The following SNAPC1 variants were observed in gnomAD, a reference collection of about 807,000 sequenced individuals.
The protein encoded by SNAPC1 is small nuclear RNA activating complex polypeptide 1.
In SNAPC1, 42 loss-of-function variants were observed where a neutral mutation model predicts 50.1. That is an observed-to-expected ratio of 0.84 (90% CI 0.65 to 1.08). The LOEUF (loss-of-function observed/expected upper bound fraction) is 1.08, where lower values mean the gene tolerates loss of function less well. SNAPC1 is among the 50% of genes least tolerant of loss of function. The pLI, the probability that SNAPC1 is intolerant of heterozygous loss-of-function variation, is 0.00. For missense variants in SNAPC1, 477 were observed against 427.3 expected, an observed-to-expected ratio of 1.12 and a Z score of -1.02; for synonymous variants, 164 against 144.2, an observed-to-expected ratio of 1.14 and a Z score of -0.98.
At chr14:61,766,293 G>T (rs879826795) in intron 1 of SNAPC1, among the ~76,000 whole-genome samples, 1 of 152,160 alleles carries the variant, frequency 6.6e-6, no homozygotes, top group Non-Finnish European at 1.5e-5. Flanking sequence ...GTTACTTCAA[G>T]TTCTAAGTTG....
intron 4 of SNAPC1, 50 bp downstream of exon 4, chr14:61,768,790 C>T (rs774808807): frequency 2.5e-5 from 24 of 942,428 alleles, no homozygotes; most frequent in Non-Finnish European, 3.8e-5. Flanking sequence ...GTTTTATTGC[C>T]AACTACATAT....
intron 4 of SNAPC1, among the ~76,000 whole-genome samples, chr14:61,770,251 T>C (rs1214814244): frequency 2.0e-4 from 30 of 151,216 alleles, no homozygotes; most frequent in Non-Finnish European, 3.2e-4. Flanking sequence ...TTTTTTTTTT[T>C]CTTGTCCCTG....
At chr14:61,765,972 A>G (rs566870537) in intron 1 of SNAPC1, among the ~76,000 whole-genome samples, 7 of 152,322 alleles carry the variant, frequency 4.6e-5, no homozygotes, top group Admixed American at 3.3e-4. Context: ...CAAATCCCTG[A>G]GAGTATTGGA....
chr14:61,766,955 T>A lies in SNAPC1; in HGVS notation c.208T>A (p.Tyr70Asn), dbSNP rs1328474842. The A allele has an allele frequency of 6.2e-7, 1 of 1,610,224 alleles. No homozygotes were observed. Among genetic ancestry groups the A allele is most frequent in the South Asian group, 1.1e-5 (1 of 90,960 alleles). The stretch of plus-strand genomic sequence containing the variant: ...GGCTTGGCGATATTTTTTACCTCCA[T>A]ACACCTTCCAGATCAGAGTTGGTGC... ...ALAWRYFLPP[Y>N]TFQIRVGALY... The change falls in exon 2 of 10, where the codon TAC becomes AAC. Residue 70 changes from tyrosine to asparagine, a missense_variant. Tyr to Asn is a moderately radical substitution (Grantham distance 143, BLOSUM62 -2). Transcript: ENST00000216294.
chr14:61,762,665 T>TG (rs1270981078), intron 1 of SNAPC1, 77 bp downstream of exon 1: 1 of 1,558,804 alleles, frequency 6.4e-7, no homozygotes, highest in African/African-American at 1.4e-5. Flanking sequence ...CCGGCGATAT[T>TG]GCACTTGTGA....
chr14:61,782,356 G>C lies in SNAPC1; in HGVS notation c.935G>C (p.Arg312Thr). ...KATRKKEKKERLKPAGRKMSL... is the reference protein window; with the variant it reads ...KATRKKEKKETLKPAGRKMSL... ...ACTAGGAAAAAAGAGAAGAAAGAAAGATTGAAACCAGCAGGAAGGAAGATG... is the reference window on the plus strand; with the variant it reads ...ACTAGGAAAAAAGAGAAGAAAGAAACATTGAAACCAGCAGGAAGGAAGATG... Residue 312 changes from arginine (R) to threonine (T), a missense_variant, in exon 8 of 10, where the codon AGA becomes ACA. Transcript: ENST00000216294. 6.2e-7 allele frequency: 1 copy of C among 1,613,464 alleles called. No individual in the cohort carries two copies. The highest frequency in any genetic ancestry group is 8.5e-7 in the Non-Finnish European group (1 of 1,179,784).
At chr14:61,790,098 A>G (rs1426224377) in intron 8 of SNAPC1, among the ~76,000 whole-genome samples, 1 of 152,176 alleles carries the variant, frequency 6.6e-6, no homozygotes, top group African/African-American at 2.4e-5. Flanking sequence ...GGAGAAATAC[A>G]ATGACACAAT....
At chr14:61,768,894 C>A (rs980163723) in intron 4 of SNAPC1, among the ~76,000 whole-genome samples, 154 bp downstream of exon 4, 1 of 151,944 alleles carries the variant, frequency 6.6e-6, no homozygotes, top group African/African-American at 2.4e-5. Flanking sequence ...CATAAAATAG[C>A]CTAAATATAT....
At chr14:61,767,612 C>T (rs1031782680) in intron 3 of SNAPC1, among the ~76,000 whole-genome samples, 22 of 151,550 alleles carry the variant, frequency 1.5e-4, no homozygotes, top group African/African-American at 3.6e-4. Context: ...TACAGGCATG[C>T]GCCACCACAC....
At chr14:61,766,778 C>G in intron 1 of SNAPC1, 98 bp from the exon 2 acceptor site, 1 of 628,614 alleles carries the variant, frequency 1.6e-6, no homozygotes, top group Middle Eastern at 4.2e-4. Context: ...GAATCCTCAT[C>G]AAATTATAAC....
chr14:61,767,937 G>A (rs1387268447), intron 3 of SNAPC1, among the ~76,000 whole-genome samples: 4 of 152,048 alleles, frequency 2.6e-5, no homozygotes, highest in Admixed American at 6.6e-5. Flanking sequence ...CCTCCACCAC[G>A]CCTAGCTAAT....
At chr14:61,774,678 T>TTTTTTTG (rs750612622) in intron 4 of SNAPC1, among the ~76,000 whole-genome samples, 5 of 129,288 alleles carry the variant, frequency 3.9e-5, no homozygotes, top group Admixed American at 1.7e-4. Context: ...TTTTTTTTTT[T>TTTTTTTG]GAGAGGCAGA....
intron 4 of SNAPC1, among the ~76,000 whole-genome samples, chr14:61,775,497 T>C (rs1594646534): frequency 6.6e-6 from 1 of 151,970 alleles, no homozygotes. Flanking sequence ...CTGGTGATTC[T>C]CCCACCTTGG....
intron 1 of SNAPC1, among the ~76,000 whole-genome samples, chr14:61,764,548 A>G (rs140169265): frequency 1.4e-4 from 21 of 152,302 alleles, no homozygotes; most frequent in African/African-American, 4.6e-4. Context: ...TAGATGAGGA[A>G]ATTAAGGCTT....
At chr14:61,768,902 T>C (rs2044968107) in intron 4 of SNAPC1, among the ~76,000 whole-genome samples, 162 bp downstream of exon 4, 1 of 152,198 alleles carries the variant, frequency 6.6e-6, no homozygotes. Context: ...AGCCTAAATA[T>C]ATCAAGGCTT....
chr14:61,767,252 T>C lies in SNAPC1; in HGVS notation c.329T>C (p.Phe110Ser). The change falls in exon 3 of 10, where the codon TTT becomes TCT. Residue 110 changes from phenylalanine (F) to serine (S), a missense_variant. Transcript: ENST00000216294. ...AAGGATTGGGATGAAGTTTTAAAAT[T>C]TCAGCAAGATTTAGTAAATGCACAG... ...ALKDWDEVLK[F>S]QQDLVNAQHF... is the part of the protein sequence containing the mutation. 6.6e-7 allele frequency: 1 copy of C among 1,518,120 alleles called. No homozygotes were observed. The highest frequency in any genetic ancestry group is 8.8e-7 in the Non-Finnish European group (1 of 1,131,632). 94.0% of individuals were successfully genotyped at this position (1,518,120 alleles called of 1,614,324 possible).
At chr14:61,774,499 G>A (rs561818556) in intron 4 of SNAPC1, among the ~76,000 whole-genome samples, 55 of 152,064 alleles carry the variant, frequency 3.6e-4, no homozygotes, top group African/African-American at 1.3e-3. Context: ...TCTGACTGGT[G>A]GTCTTTCTCT....
At chr14:61,765,125 A>C (rs1041277076) in intron 1 of SNAPC1, among the ~76,000 whole-genome samples, 1 of 152,242 alleles carries the variant, frequency 6.6e-6, no homozygotes, top group African/African-American at 2.4e-5. Flanking sequence ...TAATATGCAC[A>C]AATGTGGCTT....
At chr14:61,768,849 A>C (rs2044967723) in intron 4 of SNAPC1, 109 bp downstream of exon 4, 2 of 613,270 alleles carry the variant, frequency 3.3e-6, no homozygotes, top group Admixed American at 5.6e-5. Flanking sequence ...AATGATTTTA[A>C]CCACTCTAGG....
Sources: gnomAD v4.1 joint callset for allele counts (sites outside exome capture counted in the v4.1 genomes callset) on GRCh38, gnomAD v4.1.1 for gene constraint, MANE v1.5 for transcripts, NCBI Gene and HGNC (gene_info 2026-07-23, HGNC 2026-07-21) for gene names.